Variants in ROBO2 observed in about 807,000 individuals in gnomAD.
The protein encoded by ROBO2 is roundabout homolog 2.
ROBO2 carries 53 observed loss-of-function variants against 160.8 expected under a neutral mutation model. The observed-to-expected ratio is 0.33, with a 90% confidence interval of 0.26 to 0.41. ROBO2 has a LOEUF of 0.41. ROBO2 is among the 10% of genes least tolerant of loss of function. The pLI, the probability that ROBO2 is intolerant of heterozygous loss-of-function variation, is 1.00. For synonymous variants in ROBO2, 664 were observed against 611.7 expected, an observed-to-expected ratio of 1.09 and a Z score of -1.26; for missense variants, 1,577 against 1,722.4, an observed-to-expected ratio of 0.92 and a Z score of 1.49.
At chr3:77,202,749 T>C (rs982597453) in intron 2 of ROBO2, among the ~76,000 whole-genome samples, 2 of 152,148 alleles carry the variant, frequency 1.3e-5, no homozygotes, top group Admixed American at 1.3e-4. Context: ...TTCTTCTTTA[T>C]TTCCTTCATT....
chr3:77,580,375 C>G (rs900738967), intron 16 of ROBO2, among the ~76,000 whole-genome samples: 2 of 152,082 alleles, frequency 1.3e-5, no homozygotes, highest in Non-Finnish European at 2.9e-5. Context: ...TTTAAAATTA[C>G]TTTTAATCAA....
intron 2 of ROBO2, among the ~76,000 whole-genome samples, chr3:77,303,911 T>C (rs896839895): frequency 2.6e-5 from 4 of 152,148 alleles, no homozygotes; most frequent in African/African-American, 9.7e-5. Context: ...ACATTTCAAC[T>C]TCACCTTTGT....
At chr3:76,133,245 T>C (rs909768694) in intron 2 of ROBO2, among the ~76,000 whole-genome samples, 2 of 152,076 alleles carry the variant, frequency 1.3e-5, no homozygotes, top group East Asian at 1.9e-4. Context: ...AAGGGAAATA[T>C]ACAACCAGAT....
At chr3:77,214,740 G>A (rs2084687715) in intron 2 of ROBO2, among the ~76,000 whole-genome samples, 1 of 152,110 alleles carries the variant, frequency 6.6e-6, no homozygotes, top group South Asian at 2.1e-4. Context: ...TCCATGTTTA[G>A]TGCTTCCTTC....
At chr3:76,714,905 G>C (rs765450839) in intron 2 of ROBO2, among the ~76,000 whole-genome samples, 3 of 152,068 alleles carry the variant, frequency 2.0e-5, no homozygotes, top group Non-Finnish European at 4.4e-5. Flanking sequence ...AGTGTGTATT[G>C]AGTAAAGAAA....
intron 2 of ROBO2, among the ~76,000 whole-genome samples, chr3:76,111,579 T>A (rs1404675628): frequency 2.0e-5 from 3 of 152,062 alleles, no homozygotes; most frequent in African/African-American, 7.2e-5. Context: ...TTCTGCCCAT[T>A]ACGATTACAC....
At chr3:77,248,842 T>C (rs1016732874) in intron 2 of ROBO2, among the ~76,000 whole-genome samples, 1 of 150,152 alleles carries the variant, frequency 6.7e-6, no homozygotes, top group Admixed American at 6.7e-5. Flanking sequence ...TGAACATAAA[T>C]ATTTTGGAAT....
chr3:76,434,696 T>C, intron 2 of ROBO2: 1 of 1,100,628 alleles, frequency 9.1e-7, no homozygotes, highest in East Asian at 2.4e-5. Context: ...TCCTCCCCGT[T>C]CACCAGGCAG....
intron 2 of ROBO2, among the ~76,000 whole-genome samples, chr3:76,872,575 T>C (rs1239787381): frequency 1.3e-5 from 2 of 152,020 alleles, no homozygotes; most frequent in Admixed American, 6.6e-5. Context: ...AGGTATAGAA[T>C]TGTAGACTTA....
At position 76,117,928 on chromosome 3, in the gene ROBO2, A is replaced by G. The variant is rs979660837; in HGVS notation, c.109+180326A>G. ...GAACCTGGAAGAAAGGTAGCAAGAA[A>G]GAGCAACATTTTGCTTTCTATAAAA... is the stretch of plus-strand genomic sequence containing the variant. On this transcript the variant is annotated intron_variant, in intron 2 of 26. Transcript: ENST00000487694. Among the ~76,000 whole-genome samples the G allele has an allele frequency of 2.6e-5, 4 of 152,144 alleles. No homozygotes were observed. The South Asian group carries it at 8.3e-4, about 31-fold the overall frequency.
chr3:76,086,602 T>C (rs1413844134), intron 2 of ROBO2, among the ~76,000 whole-genome samples: 3 of 152,162 alleles, frequency 2.0e-5, no homozygotes, highest in African/African-American at 7.2e-5. Flanking sequence ...TTTACTGCAG[T>C]TCTGTTTACC....
At position 77,644,727 on chromosome 3, in the gene ROBO2, A is replaced by G. The variant is rs1390627178; in HGVS notation, c.3958A>G (p.Lys1320Glu). ...AGAGGAGGCCTTGGTGCCCTATAGC[A>G]AGCCCAGTTTCCCATCTCCAGGTGG... The change falls in exon 25 of 26, where the codon AAG becomes GAG. Residue 1320 changes from lysine (K) to glutamate (E), a missense_variant. Around this residue, in one of 2 missense-constraint regions of ROBO2, gnomAD observed 637 missense variants for 586.9 expected, o/e 1.09. Coordinates refer to ENST00000461745, the Ensembl canonical transcript of ROBO2. The G allele has an allele frequency of 4.3e-6, 7 of 1,613,978 alleles. No individual in the cohort carries two copies. Among genetic ancestry groups the G allele is most frequent in the Non-Finnish European group, 5.9e-6 (7 of 1,179,980 alleles).
chr3:77,090,400 C>A (rs1187657396), intron 1 of ROBO2, among the ~76,000 whole-genome samples: 1 of 118,974 alleles, frequency 8.4e-6, no homozygotes, highest in East Asian at 2.5e-4. Context: ...GTGGCCCAGG[C>A]TGGAGTGCAG....
At chr3:76,205,820 C>T (rs1193098661) in intron 2 of ROBO2, among the ~76,000 whole-genome samples, 1 of 152,106 alleles carries the variant, frequency 6.6e-6, no homozygotes, top group African/African-American at 2.4e-5. Flanking sequence ...GAGGGTTCTG[C>T]CTGTTTTCTA....
At chr3:76,645,031 A>C (rs188857781) in intron 2 of ROBO2, among the ~76,000 whole-genome samples, 9 of 152,296 alleles carry the variant, frequency 5.9e-5, no homozygotes, top group Admixed American at 5.2e-4. Flanking sequence ...CAAAAATCAA[A>C]TATGTCTGTT....
intron 2 of ROBO2, among the ~76,000 whole-genome samples, chr3:77,165,370 C>A (rs960065310): frequency 9.4e-5 from 14 of 148,212 alleles, no homozygotes; most frequent in Admixed American, 8.1e-4. Context: ...GCAGCATGCT[C>A]GTTAAGAGTC....
intron 2 of ROBO2, among the ~76,000 whole-genome samples, chr3:76,583,475 A>C: frequency 6.6e-6 from 1 of 152,158 alleles, no homozygotes; most frequent in East Asian, 1.9e-4. Flanking sequence ...TACAGTGGCT[A>C]CTTCTTGGGT....
At chr3:76,843,138 A>T (rs946372488) in intron 2 of ROBO2, among the ~76,000 whole-genome samples, 4 of 151,542 alleles carry the variant, frequency 2.6e-5, no homozygotes, top group African/African-American at 9.7e-5. Flanking sequence ...AAATGCCATC[A>T]ATCACAGCAT....
intron 2 of ROBO2, among the ~76,000 whole-genome samples, chr3:76,277,458 T>G (rs952712882): frequency 3.3e-5 from 5 of 152,000 alleles, no homozygotes; most frequent in African/African-American, 1.2e-4. Context: ...GAAGGCATTC[T>G]GCTGGATGGC....
Sources: gnomAD v4.1 joint callset for allele counts (sites outside exome capture counted in the v4.1 genomes callset) on GRCh38, gnomAD v4.1.1 for gene constraint, gnomAD v4.1.1 regional missense constraint, MANE v1.5 for transcripts, NCBI Gene and HGNC (gene_info 2026-07-23, HGNC 2026-07-21) for gene names.